Variants in BET1 observed in about 807,000 individuals in gnomAD.
BET1 encodes the protein BET1 homolog.
Under a neutral mutation model 13.9 loss-of-function variants are expected in BET1, and 9 were observed. That is an observed-to-expected ratio of 0.65 (90% CI 0.39 to 1.13). BET1 has a LOEUF of 1.13. Ranked by LOEUF, BET1 falls within the 50% of genes most tolerant of loss-of-function variation. The pLI, the probability that BET1 is intolerant of heterozygous loss-of-function variation, is 0.01. For missense variants in BET1, 127 were observed against 133.6 expected (o/e 0.95, Z 0.24); for synonymous variants, 39 against 47.3 (o/e 0.82, Z 0.72).
At chr7:93,975,953 CATG>C (rs1394036967) in exon 5 of BET1, 24 of 1,251,954 alleles carry the variant, frequency 1.9e-5, no homozygotes, top group Non-Finnish European at 2.3e-5. Context: ...TTTGACATGT[CATG>C]ATATAATTCT....
At chr7:93,987,176 A>G (rs1484977757) in intron 4 of BET1, 1 of 151,972 alleles carries the variant, frequency 6.6e-6, no homozygotes, top group Non-Finnish European at 1.5e-5. Flanking sequence ...CACCGGATCG[A>G]CTTGGGTCAG....
intron 4 of BET1, among the ~76,000 whole-genome samples, chr7:93,981,653 C>T (rs1795432009): frequency 6.6e-6 from 1 of 152,194 alleles, no homozygotes; most frequent in Non-Finnish European, 1.5e-5. Flanking sequence ...TCCTGGAATT[C>T]AAGTAATGTA....
chr7:94,002,449 GCTTT>G (rs1338537136), intron 1 of BET1, among the ~76,000 whole-genome samples: 1 of 116,146 alleles, frequency 8.6e-6, no homozygotes, highest in Non-Finnish European at 1.7e-5. Flanking sequence ...TCACAGAAGA[GCTTT>G]TTTTTAAAAA....
chr7:94,002,568 CT>C (rs1795934004), intron 1 of BET1, among the ~76,000 whole-genome samples: 1 of 151,546 alleles, frequency 6.6e-6, no homozygotes. Context: ...GGTAACAATA[CT>C]TTAAAAACTT....
At chr7:93,963,735 G>A (rs1174669410) in exon 7 of BET1, 2 of 151,734 alleles carry the variant, frequency 1.3e-5, no homozygotes. Flanking sequence ...TTTCCTTTTG[G>A]GCTTCTACTT....
chr7:93,984,574 G>A (rs1353191130), intron 4 of BET1, among the ~76,000 whole-genome samples: 4 of 151,522 alleles, frequency 2.6e-5, no homozygotes, highest in African/African-American at 9.7e-5. Context: ...AAATGTCGTG[G>A]GTTAAAAAAA....
Position 93,996,535 on chromosome 7 carries a change from T to C in BET1, c.145-214A>G, listed in dbSNP as rs146336145. Among the ~76,000 whole-genome samples, 218 of 152,036 alleles carry C rather than the reference T, an allele frequency of 1.4e-3. 2 individuals carry two copies. Among genetic ancestry groups the C allele is most frequent in the East Asian group, 0.013 (67 of 5,186 alleles). On this transcript the variant is annotated intron_variant, in intron 2 of 3. Coordinates refer to ENST00000222547, the MANE Select transcript of BET1 (RefSeq NM_005868.6). ...CCAATTATGGACATTTCTTCTTTCC[T>C]CTTTATTTTAATTTCATCTTAATAT...
intron 1 of BET1, among the ~76,000 whole-genome samples, chr7:94,003,316 T>A (rs978686136): frequency 2.6e-5 from 4 of 152,162 alleles, no homozygotes; most frequent in Admixed American, 2.0e-4. Context: ...TTGGCAACTT[T>A]CACTGACTTT....
At chr7:93,981,504 T>G (rs1795428658) in intron 4 of BET1, among the ~76,000 whole-genome samples, 1 of 152,122 alleles carries the variant, frequency 6.6e-6, no homozygotes, top group Non-Finnish European at 1.5e-5. Flanking sequence ...TATTGGGAAG[T>G]AAATTTGGGG....
rs1202069668 is a variant in BET1, at chr7:93,967,254, T to C, written c.*138-1567A>G. Among the ~76,000 whole-genome samples, 4 of 151,890 alleles carry C rather than the reference T, an allele frequency of 2.6e-5. No homozygotes were observed. The East Asian group carries it at 7.7e-4, about 29-fold the overall frequency. On this transcript the variant is annotated intron_variant and NMD_transcript_variant, in intron 6 of 6. Transcript: ENST00000357520. The stretch of plus-strand genomic sequence containing the variant: ...TCTTAAAGAGTCTCCTGTGCCTTAC[T>C]CACTCAACCTTACAGTAGGTATTCA...
chr7:93,973,023 T>A (rs970307638), intron 5 of BET1, among the ~76,000 whole-genome samples: 1 of 151,784 alleles, frequency 6.6e-6, no homozygotes, highest in Non-Finnish European at 1.5e-5. Flanking sequence ...AACTAGAAAT[T>A]TTGCTCCGAA....
At chr7:93,988,655 C>T (rs1795571867), downstream of BET1, among the ~76,000 whole-genome samples, 1 of 152,096 alleles carries the variant, frequency 6.6e-6, no homozygotes. Context: ...TAAAGCAACA[C>T]TCGTACACTT....
chr7:93,970,505 T>C (rs1331764113), intron 6 of BET1, among the ~76,000 whole-genome samples: 2 of 151,838 alleles, frequency 1.3e-5, no homozygotes, highest in East Asian at 3.9e-4. Context: ...CGCATTTTTT[T>C]CTGAACCCTG....
At chr7:93,999,536 C>A (rs559756500) in intron 1 of BET1, 343 of 484,562 alleles carry the variant, frequency 7.1e-4, no homozygotes, top group Non-Finnish European at 1.2e-3. Flanking sequence ...TTCTGGATTG[C>A]TTATTGATTG....
Position 94,004,299 on chromosome 7 carries a change from C to G in BET1, c.-83G>C. 6.3e-7 allele frequency: 1 copy of G among 1,582,784 alleles called. No homozygotes were observed. The highest frequency in any genetic ancestry group is 8.7e-7 in the Non-Finnish European group (1 of 1,151,956). On this transcript the variant is annotated 5_prime_UTR_variant, in exon 1 of 4. An upstream open reading frame in the 5' UTR loses its in-frame stop. Transcript: ENST00000222547. ...CTAGGGGCGACCCGGACCGCGTCTT[C>G]AGTACCAGGGCCCAGCGAAACACCA...
chr7:93,982,993 A>G lies in BET1; in HGVS notation c.236-6893T>C, dbSNP rs546557736. 2.4e-3 allele frequency among the ~76,000 whole-genome samples: 360 copies of G among 152,284 alleles called. 2 individuals are homozygous for G. The highest frequency in any genetic ancestry group is 4.6e-3 in the Non-Finnish European group (313 of 68,020). On this transcript the variant is annotated intron_variant and NMD_transcript_variant, in intron 4 of 6. Coordinates refer to the BET1 transcript ENST00000357520. ...CCCTACACTAGGGAAAGAACAGGGCAGATAAGGCATTCTTCAGACAATTCC... is the reference window on the plus strand; with the variant it reads ...CCCTACACTAGGGAAAGAACAGGGCGGATAAGGCATTCTTCAGACAATTCC...
intron 4 of BET1, among the ~76,000 whole-genome samples, chr7:93,978,483 A>G (rs564894149): frequency 1.1e-4 from 16 of 152,050 alleles, no homozygotes; most frequent in African/African-American, 3.6e-4. Context: ...CCCACGTTTC[A>G]TTTCCCCCTT....
chr7:93,978,064 G>A (rs892319112), intron 4 of BET1, among the ~76,000 whole-genome samples: 2 of 142,728 alleles, frequency 1.4e-5, no homozygotes, highest in Non-Finnish European at 3.0e-5. Flanking sequence ...TGTGGCATCT[G>A]CAACTTTGTT....
chr7:93,994,216 C>T lies in BET1; in HGVS notation c.*14G>A. On this transcript the variant is annotated 3_prime_UTR_variant, in exon 4 of 4. Transcript: ENST00000222547. ...ATTAAGTTGGAACAAATTCCAAATT[C>T]ACAATTACATGCATCACCTCAGTTT... The T allele has an allele frequency of 6.3e-7, 1 of 1,582,696 alleles. No homozygotes were observed. The highest frequency in any genetic ancestry group is 8.6e-7 in the Non-Finnish European group (1 of 1,164,836).
Sources: gnomAD v4.1 joint callset for allele counts (sites outside exome capture counted in the v4.1 genomes callset) on GRCh38, gnomAD v4.1.1 for gene constraint, MANE v1.5 for transcripts, NCBI Gene and HGNC (gene_info 2026-07-23, HGNC 2026-07-21) for gene names.